ZNF519: variants seen among roughly 807,000 people sequenced by gnomAD.
ZNF519 encodes similar to Zinc finger protein 85 (Zinc finger protein HPF4) (HTF1).
ZNF519 carries 7 observed loss-of-function variants against 7.4 expected under a neutral mutation model. The observed-to-expected ratio is 0.94, with a 90% CI of 0.54 to 1.77. The LOEUF (loss-of-function observed/expected upper bound fraction) is 1.77. Among genes scored for constraint, ZNF519 ranks in the 40% most tolerant of loss-of-function variants. The probability of loss-of-function intolerance (pLI) is 0.00; values close to 1 mark genes in which losing one functional copy is unlikely to be tolerated. For synonymous variants in ZNF519, 179 were observed against 203.3 expected, an observed-to-expected ratio of 0.88 and a Z score of 1.02; for missense variants, 586 against 623.1, an observed-to-expected ratio of 0.94 and a Z score of 0.63.
At chr18:14,108,329 ACTCT>A (rs1043126724) in intron 2 of ZNF519, among the ~76,000 whole-genome samples, 1 of 151,794 alleles carries the variant, frequency 6.6e-6, no homozygotes, top group Non-Finnish European at 1.5e-5. Flanking sequence ...TCCCTAACCC[ACTCT>A]CTCTATTAGT....
At chr18:14,129,434 T>C (rs886342058) in intron 1 of ZNF519, among the ~76,000 whole-genome samples, 2 of 151,788 alleles carry the variant, frequency 1.3e-5, no homozygotes, top group Non-Finnish European at 2.9e-5. Context: ...GGGGAGGGAA[T>C]AGGTTCTCAG....
rs971366341 is a variant in ZNF519, at chr18:14,132,400, G to A, written c.-123C>T. ...CCCGGAGCAGAGGACACAAGGCAAT[G>A]AAGCCCTAACCCCGCGCTCTGGCTG... On this transcript the variant is annotated 5_prime_UTR_variant, in exon 1 of 3. Transcript: ENST00000590202. 2.3e-6 allele frequency: 3 copies of A among 1,279,200 alleles called. No homozygotes were observed. Among genetic ancestry groups the A allele is most frequent in the South Asian group, 1.3e-5 (1 of 78,034 alleles). The allele number at this position is 1,279,200 out of a possible 1,614,324, so 79.2% of individuals were successfully genotyped here.
intron 2 of ZNF519, among the ~76,000 whole-genome samples, chr18:14,112,718 C>G (rs1233082313): frequency 6.6e-6 from 1 of 151,898 alleles, no homozygotes; most frequent in African/African-American, 2.4e-5. Flanking sequence ...AGGAATTAAC[C>G]AAAGAAATTA....
intron 2 of ZNF519, among the ~76,000 whole-genome samples, chr18:14,118,463 G>A (rs1158330027): frequency 2.0e-5 from 3 of 152,158 alleles, no homozygotes; most frequent in Admixed American, 2.0e-4. Context: ...CTAATGAAGT[G>A]ACAGTATATG....
At chr18:14,093,573 T>C (rs2046122747) in intron 2 of ZNF519, among the ~76,000 whole-genome samples, 1 of 152,134 alleles carries the variant, frequency 6.6e-6, no homozygotes, top group African/African-American at 2.4e-5. Context: ...TTTAAACAAA[T>C]TAAGAGTTTA....
At chr18:14,115,179 ACAGCTTTATCTTCTCC>A (rs980966933) in intron 2 of ZNF519, among the ~76,000 whole-genome samples, 11 of 152,330 alleles carry the variant, frequency 7.2e-5, no homozygotes, top group Admixed American at 7.2e-4. Context: ...TGTGCCCAGC[ACAGCTTTATCTTCTCC>A]CAGTACAGCA....
Position 14,105,560 on chromosome 18 carries a change from T to C in ZNF519, c.980A>G (p.Lys327Arg). The change falls in exon 3 of 3, where the codon AAA becomes AGA. Residue 327 changes from lysine (K) to arginine (R), a missense_variant. By Grantham distance (26) the Lys-to-Arg change is conservative. Coordinates refer to ENST00000590202, the MANE Select transcript of ZNF519 (RefSeq NM_145287.4). The part of the protein sequence containing the change: ...EKPFKCKECG[K>R]AFNRGSYLTQ... The stretch of plus-strand genomic sequence containing the variant: ...AAGGTATGAGCCTCTGTTAAAAGCT[T>C]TGCCACATTCCTTACACTTGAAAGG... 1 of 1,614,130 alleles carries C rather than the reference T, an allele frequency of 6.2e-7. No individual in the cohort carries two copies.
At chr18:14,131,480 T>C (rs2046329619) in intron 1 of ZNF519, among the ~76,000 whole-genome samples, 1 of 152,152 alleles carries the variant, frequency 6.6e-6, no homozygotes, top group African/African-American at 2.4e-5. Context: ...GAGTAGTGGA[T>C]GTGAGACCCT....
chr18:14,087,820 T>A (rs1034657752), intron 2 of ZNF519, among the ~76,000 whole-genome samples: 5 of 152,220 alleles, frequency 3.3e-5, no homozygotes, highest in Non-Finnish European at 7.3e-5. Context: ...ATCATTGTCA[T>A]CACCATCATT....
downstream of ZNF519, among the ~76,000 whole-genome samples, chr18:14,098,083 A>G (rs553044270): frequency 2.5e-4 from 38 of 151,706 alleles, no homozygotes; most frequent in Middle Eastern, 3.4e-3. Flanking sequence ...CCTGACCCCT[A>G]TGGTCTCCAC....
At chr18:14,089,020 T>C (rs1039100728) in intron 2 of ZNF519, among the ~76,000 whole-genome samples, 3 of 152,180 alleles carry the variant, frequency 2.0e-5, no homozygotes, top group Non-Finnish European at 2.9e-5. Flanking sequence ...CCTACATTCC[T>C]AGAACTCACT....
At chr18:14,097,040 T>A (rs745462684), downstream of ZNF519, among the ~76,000 whole-genome samples, 3 of 152,140 alleles carry the variant, frequency 2.0e-5, no homozygotes, top group Non-Finnish European at 4.4e-5. Flanking sequence ...GTGTAAACCA[T>A]CAGTTTCCAA....
At position 14,116,019 on chromosome 18, in the gene ZNF519, C is replaced by T. The variant is rs2046244298; in HGVS notation, c.130+8331G>A. 1.3e-5 allele frequency among the ~76,000 whole-genome samples: 2 copies of T among 152,126 alleles called. 1 individual carries two copies. Among genetic ancestry groups the T allele is most frequent in the South Asian group, 4.2e-4 (2 of 4,816 alleles). ...GTTTGTTATATAGGTAAACTTGTGTCATGTGGGTTTGTTGTACAGATTATT... is the reference window on the plus strand; with the variant it reads ...GTTTGTTATATAGGTAAACTTGTGTTATGTGGGTTTGTTGTACAGATTATT... On this transcript the variant is annotated intron_variant, in intron 2 of 2. Coordinates refer to ENST00000590202, the MANE Select transcript of ZNF519 (RefSeq NM_145287.4).
At chr18:14,087,059 C>T (rs1423137632) in intron 2 of ZNF519, among the ~76,000 whole-genome samples, 1 of 152,100 alleles carries the variant, frequency 6.6e-6, no homozygotes, top group African/African-American at 2.4e-5. Context: ...TAGAATTCAT[C>T]CCAGAAATAT....
At chr18:14,120,670 T>C (rs1261308758) in intron 2 of ZNF519, among the ~76,000 whole-genome samples, 1 of 151,954 alleles carries the variant, frequency 6.6e-6, no homozygotes, top group Non-Finnish European at 1.5e-5. Flanking sequence ...AAGAAACTTC[T>C]GCAATTCAAA....
Position 14,123,715 on chromosome 18 carries a change from G to T in ZNF519, c.130+635C>A, listed in dbSNP as rs182519027. On this transcript the variant is annotated intron_variant, in intron 2 of 2. Transcript: ENST00000590202. ...TGGGTGACAAAGCAAGACTCCGTTT[G>T]CAAAATACATAAATAAATAAATAAG... is the stretch of plus-strand genomic sequence containing the variant. Among the ~76,000 whole-genome samples, 14 of 151,912 alleles carry T rather than the reference G, an allele frequency of 9.2e-5. No individual in the cohort carries two copies. The East Asian group carries it at 2.7e-3, about 29-fold the overall frequency.
At chr18:14,110,203 G>C (rs1266509341) in intron 2 of ZNF519, among the ~76,000 whole-genome samples, 1 of 152,046 alleles carries the variant, frequency 6.6e-6, no homozygotes, top group African/African-American at 2.4e-5. Context: ...ATTCAAGATG[G>C]ATCAAAGATT....
At chr18:14,083,672 G>A (rs1261602941) in intron 3 of ZNF519, among the ~76,000 whole-genome samples, 1 of 152,146 alleles carries the variant, frequency 6.6e-6, no homozygotes. Context: ...CACTTTGGGA[G>A]CATGAGGCGG....
rs768737709 is a variant in ZNF519, at chr18:14,106,336, C to T, written c.204G>A (p.Leu68=). The T allele has an allele frequency of 6.2e-7, 1 of 1,612,860 alleles. No individual in the cohort carries two copies. ...GIQDSFKKAT[L]GRYGSCGLEN... ...CAAGGCCACAGCTCCCATATCTTCC[C>T]AGTGTTGCTTTTTTGAATGAATCTT... The change falls in exon 3 of 3, where the codon CTG becomes CTA. Residue 68 remains leucine, a synonymous_variant. Coordinates refer to ENST00000590202, the MANE Select transcript of ZNF519 (RefSeq NM_145287.4).
Sources: allele counts gnomAD v4.1 joint callset (sites outside exome capture counted in the v4.1 genomes callset), GRCh38; gene constraint gnomAD v4.1.1; transcripts MANE v1.5; gene names NCBI Gene and HGNC (gene_info 2026-07-23, HGNC 2026-07-21).